TIAM2: variants seen among roughly 807,000 people sequenced by gnomAD.
The protein encoded by TIAM2 is rho guanine nucleotide exchange factor TIAM2.
Under a neutral mutation model 152.9 loss-of-function variants are expected in TIAM2, and 80 were observed. That is an observed-to-expected ratio of 0.52 (90% CI 0.44 to 0.63). The LOEUF (loss-of-function observed/expected upper bound fraction) is 0.63, where lower values mean the gene tolerates loss of function less well. Ranked by LOEUF, TIAM2 falls within the 30% of genes least tolerant of loss-of-function variation. TIAM2 has a pLI of 0.00. For missense variants in TIAM2, 1,965 were observed against 2,120.1 expected (o/e 0.93, Z 1.44); for synonymous variants, 804 against 838.0 (o/e 0.96, Z 0.70).
At chr6:155,163,316 G>T (rs532021868) in intron 7 of TIAM2, among the ~76,000 whole-genome samples, 1 of 152,096 alleles carries the variant, frequency 6.6e-6, no homozygotes, top group Non-Finnish European at 1.5e-5. Flanking sequence ...TGTTCTTCTC[G>T]TTCTTCTGCT....
intron 1 of TIAM2, among the ~76,000 whole-genome samples, chr6:155,071,423 G>A (rs1287179396): frequency 1.3e-5 from 2 of 152,292 alleles, no homozygotes; most frequent in East Asian, 3.9e-4. Context: ...TGTTTATTAA[G>A]TTGTTATTCA....
chr6:155,083,979 A>G (rs1778126122), intron 1 of TIAM2, among the ~76,000 whole-genome samples: 1 of 152,098 alleles, frequency 6.6e-6, no homozygotes, highest in South Asian at 2.1e-4. Flanking sequence ...TGGCTGTACT[A>G]TATAGGTTGA....
rs577985608 is a variant in TIAM2, at chr6:155,189,420, T to G, written c.3064+5920T>G. ...GTTTTACCAGGACACAGAACTTTGG[T>G]CTCAGAATTACGAGTTTGTTTTGTC... On this transcript the variant is annotated intron_variant, in intron 14 of 26. Transcript: ENST00000682666. 7.2e-5 allele frequency among the ~76,000 whole-genome samples: 11 copies of G among 152,268 alleles called. No homozygotes were observed. In the South Asian group the frequency reaches 1.9e-3, roughly 26 times the overall value.
At chr6:155,133,701 A>T (rs2115043351) in intron 4 of TIAM2, among the ~76,000 whole-genome samples, 1 of 150,426 alleles carries the variant, frequency 6.6e-6, no homozygotes, top group South Asian at 2.1e-4. Context: ...CTTGCAGTGC[A>T]TGTCTTTCTG....
At chr6:155,205,029 G>A (rs1052751474) in intron 14 of TIAM2, among the ~76,000 whole-genome samples, 6 of 151,928 alleles carry the variant, frequency 3.9e-5, no homozygotes, top group African/African-American at 1.2e-4. Flanking sequence ...TTTTATCATA[G>A]CATTAATATT....
chr6:155,104,481 G>C (rs138118898), intron 2 of TIAM2, among the ~76,000 whole-genome samples: 4 of 152,042 alleles, frequency 2.6e-5, no homozygotes, highest in African/African-American at 7.2e-5. Flanking sequence ...AAGCATGGCC[G>C]GCACGGTGGG....
rs1776712209 is a variant in TIAM2, at chr6:155,028,851, A to G, written c.-209+33359A>G. On this transcript the variant is annotated intron_variant, in intron 1 of 26. Coordinates refer to ENST00000682666, the MANE Select transcript of TIAM2 (RefSeq NM_012454.4). ...GTGTTATATATATACTATGTTATAT[A>G]TACACTGTATATACTATCTATACTA... Among the ~76,000 whole-genome samples the G allele has an allele frequency of 1.5e-5, 2 of 130,984 alleles. 1 individual carries two copies. The highest frequency in any genetic ancestry group is 1.7e-4 in the Admixed American group (2 of 11,796). The allele number at this position is 130,984 out of a possible 152,430, so 85.9% of individuals were successfully genotyped here.
In TIAM2 at chr6:155,254,403, C is replaced by T. The variant is rs201043821; in HGVS notation, c.4314-16C>T. ...ACTGTGGACACTTCTGCTGTTTTCT[C>T]TCCCCCCCCACCCAGTGACAGTGAA... On this transcript the variant is annotated splice_polypyrimidine_tract_variant and intron_variant, in intron 25 of 26. Coordinates refer to ENST00000682666, the MANE Select transcript of TIAM2 (RefSeq NM_012454.4). The T allele has an allele frequency of 1.9e-6, 3 of 1,608,046 alleles. No individual in the cohort carries two copies. The African/African-American group carries it at 4.0e-5, about 21-fold the overall frequency.
At chr6:155,220,071 G>A (rs2115238106) in intron 15 of TIAM2, among the ~76,000 whole-genome samples, 1 of 152,330 alleles carries the variant, frequency 6.6e-6, no homozygotes, top group Admixed American at 6.5e-5. Context: ...CCCGTCAGCT[G>A]GGCTGATTCC....
intron 2 of TIAM2, among the ~76,000 whole-genome samples, chr6:155,104,593 TA>T (rs1187525487): frequency 3.9e-4 from 60 of 151,982 alleles, no homozygotes; most frequent in East Asian, 1.9e-3. Flanking sequence ...CCGTCTCTAC[TA>T]AAAATACAAA....
At chr6:155,133,696 A>G (rs1253510187) in intron 4 of TIAM2, among the ~76,000 whole-genome samples, 1 of 151,044 alleles carries the variant, frequency 6.6e-6, no homozygotes, top group African/African-American at 2.4e-5. Flanking sequence ...GGAATCTTGC[A>G]GTGCATGTCT....
In TIAM2 at chr6:155,169,824, A is replaced by T. The variant is rs201541546; in HGVS notation, c.2361+4415A>T. Reference sequence around the variant, plus strand: ...TATTTAATTTCTCCTCCACCAAATAATTTTTTTTTTTTCAGATGGAGTCTC... The same window carrying T: ...TATTTAATTTCTCCTCCACCAAATATTTTTTTTTTTTTCAGATGGAGTCTC... On this transcript the variant is annotated intron_variant, in intron 9 of 26. Transcript: ENST00000682666. 7.5e-3 allele frequency among the ~76,000 whole-genome samples: 1,105 copies of T among 147,600 alleles called. 24 individuals carry two copies. Among genetic ancestry groups the T allele is most frequent in the East Asian group, 0.04 (204 of 5,056 alleles).
intron 2 of TIAM2, among the ~76,000 whole-genome samples, chr6:155,115,964 T>C (rs1779000697): frequency 6.6e-6 from 1 of 152,046 alleles, no homozygotes; most frequent in Non-Finnish European, 1.5e-5. Context: ...ATACAAAAAT[T>C]AGCTGGATGT....
chr6:155,099,143 C>T (rs545016702), intron 2 of TIAM2, among the ~76,000 whole-genome samples: 18 of 151,998 alleles, frequency 1.2e-4, no homozygotes, highest in East Asian at 3.9e-4. Context: ...GCCAAGATTG[C>T]GCCACTGCAC....
At chr6:155,130,669 A>G (rs1779425249) in intron 4 of TIAM2, among the ~76,000 whole-genome samples, 2 of 152,188 alleles carry the variant, frequency 1.3e-5, no homozygotes, top group Admixed American at 6.5e-5. Flanking sequence ...CAGCAAACAA[A>G]ATACCACAGA....
intron 1 of TIAM2, among the ~76,000 whole-genome samples, chr6:154,999,252 A>G (rs888416830): frequency 1.3e-5 from 2 of 151,984 alleles, no homozygotes; most frequent in African/African-American, 4.8e-5. Flanking sequence ...TCGCTCTGTC[A>G]CCCAGGTTGG....
intron 8 of TIAM2, 54 bp from the exon 9 acceptor site, chr6:155,165,209 C>T: frequency 6.5e-7 from 1 of 1,531,280 alleles, no homozygotes; most frequent in Non-Finnish European, 8.8e-7. Flanking sequence ...TTCATTTTTT[C>T]TGCCACTCAA....
chr6:155,223,148 C>T (rs1020600537), intron 15 of TIAM2, among the ~76,000 whole-genome samples: 1 of 152,144 alleles, frequency 6.6e-6, no homozygotes, highest in Admixed American at 6.6e-5. Flanking sequence ...CCAGGGAGCT[C>T]CCCAGTCTTA....
chr6:155,200,285 CTATT>C (rs980379041), intron 14 of TIAM2, among the ~76,000 whole-genome samples: 4 of 152,154 alleles, frequency 2.6e-5, no homozygotes, highest in African/African-American at 9.7e-5. Flanking sequence ...GCTTCGCTAT[CTATT>C]CTTGTTCCTT....
Sources: allele counts gnomAD v4.1 joint callset (sites outside exome capture counted in the v4.1 genomes callset), GRCh38; gene constraint gnomAD v4.1.1; transcripts MANE v1.5; gene names NCBI Gene and HGNC (gene_info 2026-07-23, HGNC 2026-07-21).